Variants in NEO1 observed in about 807,000 individuals in gnomAD.
The protein encoded by NEO1 is neogenin 1.
A neutral mutation model predicts 159.7 loss-of-function variants in NEO1; 63 were observed. The ratio of observed to expected loss-of-function variants is 0.39; its 90% CI spans 0.32 to 0.49. NEO1 has a LOEUF of 0.49. NEO1 is among the 20% of genes least tolerant of loss of function. The probability of loss-of-function intolerance (pLI) is 0.85; values close to 1 mark genes in which losing one functional copy is unlikely to be tolerated. For synonymous variants in NEO1, 633 were observed against 662.0 expected (o/e 0.96, Z 0.67); for missense variants, 1,615 against 1,831.0 (o/e 0.88, Z 2.15).
intron 1 of NEO1, among the ~76,000 whole-genome samples, chr15:73,113,872 G>C (rs1222245422): frequency 1.3e-5 from 2 of 151,886 alleles, no homozygotes; most frequent in African/African-American, 4.8e-5. Context: ...TTGGGACATA[G>C]ATACTCATTT....
At chr15:73,082,312 C>T (rs1415980815) in intron 1 of NEO1, among the ~76,000 whole-genome samples, 2 of 152,008 alleles carry the variant, frequency 1.3e-5, no homozygotes, top group Admixed American at 6.6e-5. Context: ...TACTTAAATG[C>T]GATAGAGTAG....
intron 1 of NEO1, among the ~76,000 whole-genome samples, chr15:73,106,801 G>A (rs1383768535): frequency 6.6e-6 from 1 of 152,148 alleles, no homozygotes; most frequent in Non-Finnish European, 1.5e-5. Context: ...ATTAATGTAG[G>A]AAAAGCACTG....
chr15:73,181,221 A>G (rs1345452655), intron 7 of NEO1, among the ~76,000 whole-genome samples: 2 of 152,200 alleles, frequency 1.3e-5, no homozygotes, highest in Non-Finnish European at 2.9e-5. Flanking sequence ...TAACAGCAGA[A>G]TAGGATCAGA....
intron 1 of NEO1, among the ~76,000 whole-genome samples, chr15:73,105,308 A>G (rs967717275): frequency 2.0e-5 from 3 of 152,178 alleles, no homozygotes; most frequent in African/African-American, 7.2e-5. Flanking sequence ...TGGGCAGGGC[A>G]TTGGATTTCT....
At chr15:73,185,274 T>C (rs2035856572) in intron 7 of NEO1, among the ~76,000 whole-genome samples, 1 of 152,202 alleles carries the variant, frequency 6.6e-6, no homozygotes, top group Non-Finnish European at 1.5e-5. Context: ...ATATAAACTA[T>C]GGACTTTGGG....
At chr15:73,131,094 T>A (rs1445374290) in intron 4 of NEO1, among the ~76,000 whole-genome samples, 1 of 152,092 alleles carries the variant, frequency 6.6e-6, no homozygotes, top group East Asian at 1.9e-4. Context: ...TAGAGTGGTG[T>A]TAGAAGAAGA....
At chr15:73,238,892 A>G (rs1024886770) in intron 8 of NEO1, among the ~76,000 whole-genome samples, 2 of 152,104 alleles carry the variant, frequency 1.3e-5, no homozygotes, top group Non-Finnish European at 2.9e-5. Flanking sequence ...TGGGTCACCC[A>G]GGCTGGAGTG....
chr15:73,186,589 T>C (rs779512482), intron 7 of NEO1, among the ~76,000 whole-genome samples: 10 of 152,138 alleles, frequency 6.6e-5, no homozygotes, highest in African/African-American at 1.9e-4. Flanking sequence ...TTTTCTTCTT[T>C]TTTTTTCACT....
chr15:73,189,804 C>T (rs2036141863), intron 7 of NEO1, among the ~76,000 whole-genome samples: 1 of 152,160 alleles, frequency 6.6e-6, no homozygotes, highest in African/African-American at 2.4e-5. Flanking sequence ...AACATTTTTG[C>T]ATATCACTGG....
chr15:73,241,475 G>A (rs2039482722), intron 8 of NEO1, among the ~76,000 whole-genome samples: 1 of 152,014 alleles, frequency 6.6e-6, no homozygotes. Context: ...TTACTACCAG[G>A]CCCTTTAAGA....
chr15:73,242,039 A>C (rs1014684077), intron 8 of NEO1, among the ~76,000 whole-genome samples: 21 of 152,192 alleles, frequency 1.4e-4, no homozygotes, highest in Non-Finnish European at 2.6e-4. Flanking sequence ...GCATTCTGCT[A>C]CGTGCTTCTG....
At position 73,103,329 on chromosome 15, in the gene NEO1, C is replaced by T. The variant is rs146891737; in HGVS notation, c.131-13211C>T. On this transcript the variant is annotated intron_variant, in intron 1 of 28. Transcript: ENST00000261908. ...AACTTATTAGCTTAATGTATGAAAT[C>T]GTCACTATCTGGTCACTGCCTTCCC... 2.2e-4 allele frequency among the ~76,000 whole-genome samples: 33 copies of T among 152,294 alleles called. 2 individuals carry two copies. In the South Asian group the frequency reaches 6.4e-3, roughly 30 times the overall value.
chr15:73,116,459 T>C, intron 1 of NEO1, 81 bp from the exon 2 acceptor site: 1 of 1,170,660 alleles, frequency 8.5e-7, no homozygotes, highest in Non-Finnish European at 1.2e-6. Context: ...TAATAATTTT[T>C]GGACTTGTTA....
chr15:73,142,982 A>AC (rs2032546895), intron 5 of NEO1, among the ~76,000 whole-genome samples: 2 of 152,234 alleles, frequency 1.3e-5, no homozygotes, highest in Non-Finnish European at 2.9e-5. Context: ...GTGAAAATGA[A>AC]ATAAACTGAG....
Position 73,304,347 on chromosome 15 carries a change from T to A in NEO1, c.*1651T>A, listed in dbSNP as rs535507323. On this transcript the variant is annotated 3_prime_UTR_variant, in exon 29 of 29. Transcript: ENST00000261908. ...GCATCTTCCCCTACTCCCCAACAGA[T>A]CCCCAGAAGACAGCGTGGAAGGCAG... 2.6e-5 allele frequency: 4 copies of A among 152,264 alleles called. No individual in the cohort carries two copies. The allele number at this position is 152,264 out of a possible 1,614,324, so 9.4% of individuals were successfully genotyped here.
chr15:73,087,755 G>GT (rs1365821472), intron 1 of NEO1, among the ~76,000 whole-genome samples: 5 of 151,978 alleles, frequency 3.3e-5, no homozygotes, highest in African/African-American at 1.2e-4. Context: ...TCTTTTTCTA[G>GT]TTTTTTCCTC....
At chr15:73,194,524 TTC>T (rs1297106258) in intron 7 of NEO1, among the ~76,000 whole-genome samples, 16 of 151,730 alleles carry the variant, frequency 1.1e-4, no homozygotes, top group African/African-American at 3.9e-4. Context: ...GAGGAGGAGG[TTC>T]CAGGCTCTTT....
chr15:73,102,984 C>T (rs1035751288), intron 1 of NEO1, among the ~76,000 whole-genome samples: 2 of 152,200 alleles, frequency 1.3e-5, no homozygotes, highest in African/African-American at 4.8e-5. Context: ...TTCAACTACT[C>T]CATCACCCTT....
At chr15:73,225,547 T>C (rs1316839782) in intron 7 of NEO1, among the ~76,000 whole-genome samples, 1 of 152,060 alleles carries the variant, frequency 6.6e-6, no homozygotes, top group Non-Finnish European at 1.5e-5. Context: ...CTGCCTCTGC[T>C]GAGTCATGCA....
Sources: gnomAD v4.1 joint callset for allele counts (sites outside exome capture counted in the v4.1 genomes callset) on GRCh38, gnomAD v4.1.1 for gene constraint, MANE v1.5 for transcripts, NCBI Gene and HGNC (gene_info 2026-07-23, HGNC 2026-07-21) for gene names.